The following DAB2IP variants were observed in gnomAD, a reference collection of about 807,000 sequenced individuals.
DAB2IP encodes the protein disabled homolog 2-interacting protein.
In DAB2IP, 28 loss-of-function variants were observed where a neutral mutation model predicts 107.2. The observed-to-expected ratio is 0.26, with a 90% CI of 0.19 to 0.36. The LOEUF (loss-of-function observed/expected upper bound fraction) is 0.36. DAB2IP is among the 10% of genes least tolerant of loss of function. The pLI, the probability that DAB2IP is intolerant of heterozygous loss-of-function variation, is 1.00. For synonymous variants in DAB2IP, 755 were observed against 706.4 expected, an observed-to-expected ratio of 1.07 and a Z score of -1.09; for missense variants, 1,400 against 1,644.7, an observed-to-expected ratio of 0.85 and a Z score of 2.57.
At chr9:121,714,153 ACAT>A (rs1470706859) in intron 3 of DAB2IP, among the ~76,000 whole-genome samples, 1 of 152,170 alleles carries the variant, frequency 6.6e-6, no homozygotes, top group African/African-American at 2.4e-5. Flanking sequence ...ACCTGCCAGC[ACAT>A]CCAACCCAGT....
intron 1 of DAB2IP, among the ~76,000 whole-genome samples, chr9:121,628,184 T>A (rs1024791462): frequency 1.3e-5 from 2 of 152,228 alleles, no homozygotes; most frequent in African/African-American, 4.8e-5. Flanking sequence ...ATCTGCTGAC[T>A]TTGTTCCTGG....
At chr9:121,741,401 G>A (rs1832331804) in intron 3 of DAB2IP, among the ~76,000 whole-genome samples, 1 of 152,200 alleles carries the variant, frequency 6.6e-6, no homozygotes, top group Non-Finnish European at 1.5e-5. Flanking sequence ...CTCCCGGAGA[G>A]GCAAAGCCAC....
At chr9:121,729,983 A>T (rs1170518500) in intron 3 of DAB2IP, among the ~76,000 whole-genome samples, 1 of 152,002 alleles carries the variant, frequency 6.6e-6, no homozygotes, top group Non-Finnish European at 1.5e-5. Context: ...TAGTGTTCCC[A>T]TTCTGCAGAT....
In DAB2IP at chr9:121,603,881, G is replaced by C. The variant is rs147155984; in HGVS notation, c.40+36653G>C. Among the ~76,000 whole-genome samples the C allele has an allele frequency of 5.6e-3, 851 of 152,258 alleles. 8 individuals are homozygous for C. Among genetic ancestry groups the C allele is most frequent in the African/African-American group, 0.019 (773 of 41,554 alleles). ...GATGGGCTCAGGGCATGGGTGAGGGGTTGAGTTGGGCTGGAGGGCAGAGTG... is the reference window on the plus strand; with the variant it reads ...GATGGGCTCAGGGCATGGGTGAGGGCTTGAGTTGGGCTGGAGGGCAGAGTG... On this transcript the variant is annotated intron_variant, in intron 1 of 16. Transcript: ENST00000259371.
intron 1 of DAB2IP, among the ~76,000 whole-genome samples, chr9:121,660,177 T>G (rs570426749): frequency 6.6e-6 from 1 of 152,272 alleles, no homozygotes; most frequent in African/African-American, 2.4e-5. Flanking sequence ...GTGATCTCCA[T>G]GTCTTGAGCA....
intron 12 of DAB2IP, among the ~76,000 whole-genome samples, 159 bp from the exon 13 acceptor site, chr9:121,774,101 C>T (rs536150943): frequency 1.1e-4 from 16 of 152,276 alleles, no homozygotes; most frequent in East Asian, 1.9e-4. Flanking sequence ...AGACAGTTCC[C>T]GGGTGGGGAC....
At position 121,685,911 on chromosome 9, in the gene DAB2IP, A is replaced by T. The variant is rs1828855025; in HGVS notation, c.228+7130A>T. Among the ~76,000 whole-genome samples the T allele has an allele frequency of 2.0e-5, 3 of 152,332 alleles. No homozygotes were observed. The South Asian group carries it at 6.2e-4, about 32-fold the overall frequency. On this transcript the variant is annotated intron_variant, in intron 2 of 15. Coordinates refer to ENST00000408936, the Ensembl canonical transcript of DAB2IP. ...GCAGTTTGGGGGCTGAAATGTGAGG[A>T]AGTGGCTGGAATGGAAGCGACAAGA... is the stretch of plus-strand genomic sequence containing the variant.
chr9:121,680,270 G>A (rs1828515644), intron 2 of DAB2IP, among the ~76,000 whole-genome samples: 1 of 152,204 alleles, frequency 6.6e-6, no homozygotes, highest in African/African-American at 2.4e-5. Flanking sequence ...TCTCTCCACT[G>A]CCAGTATGTT....
At chr9:121,673,805 C>G (rs772376235) in intron 1 of DAB2IP, among the ~76,000 whole-genome samples, 1 of 152,054 alleles carries the variant, frequency 6.6e-6, no homozygotes, top group Admixed American at 6.6e-5. Context: ...ACTCTGCCCT[C>G]GATGTTCAGT....
At position 121,699,264 on chromosome 9, in the gene DAB2IP, C is replaced by G; in HGVS notation, c.229-61C>G. 7.9e-7 allele frequency: 1 copy of G among 1,262,438 alleles called. No individual in the cohort carries two copies. The highest frequency in any genetic ancestry group is 1.9e-5 in the South Asian group (1 of 53,838). 78.2% of individuals were successfully genotyped at this position (1,262,438 alleles called of 1,614,324 possible). Reference sequence around the variant, plus strand: ...AAGGGTGCGGGTCCCGCGCGGGTCCCGGCCCGCCGCCGCCGCGCTAACCCC... The same window carrying G: ...AAGGGTGCGGGTCCCGCGCGGGTCCGGGCCCGCCGCCGCCGCGCTAACCCC... On this transcript the variant is annotated intron_variant, in intron 2 of 15. Coordinates refer to ENST00000408936, the Ensembl canonical transcript of DAB2IP. The surrounding 1 kb of genome is among the most constrained non-coding windows in gnomAD (Gnocchi z 6.2).
Position 121,699,367 on chromosome 9 carries a change from A to C in DAB2IP, c.271A>C (p.Lys91Gln). The C allele has an allele frequency of 6.9e-7, 1 of 1,443,832 alleles. No individual in the cohort carries two copies. Among genetic ancestry groups the C allele is most frequent in the Non-Finnish European group, 9.2e-7 (1 of 1,084,414 alleles). The allele number at this position is 1,443,832 out of a possible 1,614,324, so 89.4% of individuals were successfully genotyped here. A position where few individuals can be genotyped will look rare whatever the true frequency, so the allele number is the denominator to read the frequency against. The change falls in exon 3 of 16, where the codon AAG becomes CAG. Residue 91 changes from lysine to glutamine, a missense_variant. By Grantham distance (53) the Lys-to-Gln change is moderately conservative. This residue lies in a region of DAB2IP where 283 missense variants were observed against 237.0 expected (regional missense o/e 1.19). Coordinates refer to ENST00000408936, the Ensembl canonical transcript of DAB2IP. The surrounding 1 kb of genome is among the most constrained non-coding windows in gnomAD (Gnocchi z 6.2). ...CCTCAAGGGCTCCATCAAGCGCACC[A>C]AGAGCCAGCCCAAGCTGGACCGCAA...
chr9:121,770,831 AAC>A (rs1011003039), intron 11 of DAB2IP, 107 bp downstream of exon 11: 1 of 1,432,488 alleles, frequency 7.0e-7, no homozygotes, highest in African/African-American at 1.4e-5. Context: ...GTGTTTATAA[AAC>A]AAGCCTGGCA....
intron 1 of DAB2IP, among the ~76,000 whole-genome samples, chr9:121,580,742 A>G (rs1433697224): frequency 6.6e-6 from 1 of 151,902 alleles, no homozygotes; most frequent in Non-Finnish European, 1.5e-5. Flanking sequence ...CTCCTGCCTC[A>G]GCCTCCTGAG....
intron 3 of DAB2IP, among the ~76,000 whole-genome samples, chr9:121,730,055 G>A (rs1317365474): frequency 1.3e-5 from 2 of 152,078 alleles, no homozygotes; most frequent in Non-Finnish European, 2.9e-5. Context: ...GGTAAGGTCA[G>A]GACTTGAACC....
At chr9:121,678,915 T>TCC in intron 2 of DAB2IP, 134 bp downstream of exon 2, 2 of 829,262 alleles carry the variant, frequency 2.4e-6, no homozygotes, top group Non-Finnish European at 3.5e-6. Flanking sequence ...TCCCTTGCTC[T>TCC]AGGTATCCGA....
chr9:121,595,227 A>T, intron 1 of DAB2IP, among the ~76,000 whole-genome samples: 1 of 151,722 alleles, frequency 6.6e-6, no homozygotes, highest in South Asian at 2.1e-4. Context: ...TCCCACCATG[A>T]CTCTCTGCAC....
At chr9:121,673,304 G>A (rs868369739) in intron 1 of DAB2IP, among the ~76,000 whole-genome samples, 4 of 152,216 alleles carry the variant, frequency 2.6e-5, no homozygotes, top group South Asian at 2.1e-4. Context: ...AGGGACTTTC[G>A]GCATATACTC....
chr9:121,761,852 G>A (rs1833918977), intron 6 of DAB2IP, among the ~76,000 whole-genome samples: 1 of 152,092 alleles, frequency 6.6e-6, no homozygotes, highest in Non-Finnish European at 1.5e-5. Context: ...AGTGATGGGG[G>A]CTGCAGAGGC....
chr9:121,646,305 C>G (rs1832534408), intron 1 of DAB2IP, among the ~76,000 whole-genome samples: 1 of 152,090 alleles, frequency 6.6e-6, no homozygotes, highest in African/African-American at 2.4e-5. Context: ...CCTCTTGGGG[C>G]TTGTCTATGC....
Sources: allele counts gnomAD v4.1 joint callset (sites outside exome capture counted in the v4.1 genomes callset), GRCh38; gene constraint gnomAD v4.1.1; regional missense constraint gnomAD v4.1.1; non-coding constraint Gnocchi (gnomAD v3.1); transcripts MANE v1.5; gene names NCBI Gene and HGNC (gene_info 2026-07-23, HGNC 2026-07-21).